The following FSTL4 variants were observed in gnomAD, a reference collection of about 807,000 sequenced individuals.
FSTL4 encodes the protein follistatin like 4, also known as follistatin-related protein 4.
A neutral mutation model predicts 78.2 loss-of-function variants in FSTL4; 28 were observed. The observed-to-expected ratio is 0.36, with a 90% CI of 0.27 to 0.49. The LOEUF (loss-of-function observed/expected upper bound fraction) is 0.49, where lower values mean the gene tolerates loss of function less well. FSTL4 is among the 20% of genes least tolerant of loss of function. The probability of loss-of-function intolerance (pLI) is 0.98; values close to 1 mark genes in which losing one functional copy is unlikely to be tolerated. For synonymous variants in FSTL4, 422 were observed against 440.5 expected, an observed-to-expected ratio of 0.96 and a Z score of 0.53; for missense variants, 922 against 1,084.9, an observed-to-expected ratio of 0.85 and a Z score of 2.11.
At chr5:133,205,859 T>TA (rs1451289712) in intron 14 of FSTL4, among the ~76,000 whole-genome samples, 1 of 152,180 alleles carries the variant, frequency 6.6e-6, no homozygotes, top group African/African-American at 2.4e-5. Flanking sequence ...CAGAATGTCT[T>TA]AAAAAATATC....
chr5:133,632,075 A>ACT, the FSTL4 span, among the ~76,000 whole-genome samples: 1 of 152,192 alleles, frequency 6.6e-6, no homozygotes, highest in African/African-American at 2.4e-5. Context: ...GCAGCAAACC[A>ACT]CCATGGCACA....
At chr5:133,452,930 A>G (rs1232689169) in intron 3 of FSTL4, among the ~76,000 whole-genome samples, 1 of 152,272 alleles carries the variant, frequency 6.6e-6, no homozygotes, top group African/African-American at 2.4e-5. Flanking sequence ...AGTCCTACCA[A>G]CAACTCTATG....
intron 3 of FSTL4, among the ~76,000 whole-genome samples, chr5:133,499,628 A>T (rs922315461): frequency 6.6e-6 from 1 of 151,958 alleles, no homozygotes; most frequent in Non-Finnish European, 1.5e-5. Context: ...AGTGAAGCAC[A>T]CTCTTACATG....
chr5:133,698,532 C>T, the FSTL4 span, among the ~76,000 whole-genome samples: 7 of 152,194 alleles, frequency 4.6e-5, no homozygotes, highest in East Asian at 3.8e-4. Flanking sequence ...CTATTACATG[C>T]GATAATGCAT....
At chr5:133,688,062 T>C in the FSTL4 span, among the ~76,000 whole-genome samples, 1 of 152,214 alleles carries the variant, frequency 6.6e-6, no homozygotes, top group Non-Finnish European at 1.5e-5. Context: ...GGAACTCAGT[T>C]AACTGGCTAA....
intron 4 of FSTL4, among the ~76,000 whole-genome samples, chr5:133,341,774 A>G (rs1201827794): frequency 6.6e-6 from 1 of 152,168 alleles, no homozygotes; most frequent in Non-Finnish European, 1.5e-5. Flanking sequence ...CTTATAAGCT[A>G]TGTGACCTCT....
intron 3 of FSTL4, among the ~76,000 whole-genome samples, chr5:133,523,975 G>A (rs1304365944): frequency 1.3e-5 from 2 of 152,330 alleles, no homozygotes; most frequent in East Asian, 1.9e-4. Context: ...CAGGGAAGAC[G>A]GGTGTCCTTG....
chr5:133,255,159 G>C (rs1399036020), intron 6 of FSTL4, among the ~76,000 whole-genome samples: 2 of 152,194 alleles, frequency 1.3e-5, no homozygotes, highest in Non-Finnish European at 2.9e-5. Flanking sequence ...GTGTGATCAG[G>C]GGTCAGTGAG....
the FSTL4 span, among the ~76,000 whole-genome samples, chr5:133,750,723 C>G: frequency 1.3e-5 from 2 of 152,164 alleles, no homozygotes; most frequent in Non-Finnish European, 2.9e-5. Context: ...TACTAAAACA[C>G]CCCCAGATGT....
intron 4 of FSTL4, among the ~76,000 whole-genome samples, chr5:133,340,950 CA>C (rs1484340715): frequency 6.6e-6 from 1 of 151,696 alleles, no homozygotes. Context: ...CCTCTATTGT[CA>C]AAAGCTTTTA....
At chr5:133,546,792 C>T (rs189701225) in intron 3 of FSTL4, among the ~76,000 whole-genome samples, 13 of 152,252 alleles carry the variant, frequency 8.5e-5, no homozygotes, top group African/African-American at 2.4e-4. Context: ...CACATTCCAG[C>T]GTAGCACTCC....
chr5:133,253,805 A>G (rs938163706), intron 6 of FSTL4, among the ~76,000 whole-genome samples: 20 of 152,156 alleles, frequency 1.3e-4, no homozygotes, highest in Non-Finnish European at 2.8e-4. Context: ...AGATCACCAC[A>G]TAGAATCCAG....
the FSTL4 span, among the ~76,000 whole-genome samples, chr5:133,698,064 G>T: frequency 6.6e-6 from 1 of 152,300 alleles, no homozygotes; most frequent in East Asian, 1.9e-4. Context: ...AAGCATCACT[G>T]TGAATGTGTG....
intron 3 of FSTL4, among the ~76,000 whole-genome samples, chr5:133,565,090 C>T (rs1237288617): frequency 6.6e-6 from 1 of 152,166 alleles, no homozygotes; most frequent in Non-Finnish European, 1.5e-5. Context: ...CTCTCTAGAC[C>T]TGAAGACTTT....
At chr5:133,700,003 C>T in the FSTL4 span, among the ~76,000 whole-genome samples, 5 of 152,042 alleles carry the variant, frequency 3.3e-5, no homozygotes, top group Non-Finnish European at 7.4e-5. Flanking sequence ...CAACTCCAGA[C>T]TTCTTGTCAG....
chr5:133,618,474 C>A, the FSTL4 span, among the ~76,000 whole-genome samples: 1 of 152,114 alleles, frequency 6.6e-6, no homozygotes, highest in African/African-American at 2.4e-5. Flanking sequence ...GGATAGTGAC[C>A]AGATGCAAGA....
chr5:133,437,769 G>C (rs1003897996), intron 3 of FSTL4, among the ~76,000 whole-genome samples: 1 of 151,700 alleles, frequency 6.6e-6, no homozygotes, highest in African/African-American at 2.4e-5. Context: ...GGGATTACAG[G>C]CATGAGCCAC....
intron 6 of FSTL4, among the ~76,000 whole-genome samples, chr5:133,295,933 C>T (rs1753386089): frequency 6.6e-6 from 1 of 152,196 alleles, no homozygotes. Flanking sequence ...CAACTCAGAG[C>T]TTTAAATGCT....
chr5:133,589,824 G>T (rs768247972), intron 2 of FSTL4, among the ~76,000 whole-genome samples: 4 of 152,134 alleles, frequency 2.6e-5, no homozygotes, highest in African/African-American at 4.8e-5. Context: ...AGGAATACAT[G>T]CTAGATAGTC....
Sources: allele counts gnomAD v4.1 joint callset (sites outside exome capture counted in the v4.1 genomes callset), GRCh38; gene constraint gnomAD v4.1.1; transcripts MANE v1.5; gene names NCBI Gene and HGNC (gene_info 2026-07-23, HGNC 2026-07-21).